The following CNTNAP5 variants were observed in gnomAD, a reference collection of about 807,000 sequenced individuals.
The protein encoded by CNTNAP5 is contactin associated protein family member 5.
In CNTNAP5, 72 loss-of-function variants were observed where a neutral mutation model predicts 150.2. The observed-to-expected ratio is 0.48, with a 90% CI of 0.40 to 0.58. The LOEUF is 0.58. Ranked by LOEUF, CNTNAP5 falls within the 20% of genes least tolerant of loss-of-function variation. The pLI, the probability that CNTNAP5 is intolerant of heterozygous loss-of-function variation, is 0.00. For missense variants in CNTNAP5, 1,636 were observed against 1,626.2 expected (o/e 1.01, Z -0.10); for synonymous variants, 672 against 619.8 (o/e 1.08, Z -1.25).
chr2:124,713,274 TTTC>T (rs1427545577), intron 13 of CNTNAP5, among the ~76,000 whole-genome samples: 11 of 127,880 alleles, frequency 8.6e-5, no homozygotes, highest in African/African-American at 2.7e-4. Context: ...TCTTTCTTTC[TTTC>T]TTTCTTTCTT....
chr2:124,183,506 C>T (rs1685256736), intron 1 of CNTNAP5, among the ~76,000 whole-genome samples: 1 of 152,146 alleles, frequency 6.6e-6, no homozygotes, highest in African/African-American at 2.4e-5. Context: ...TGTTATTGTG[C>T]TTGTATTATA....
At chr2:124,188,046 T>C (rs1041739475) in intron 1 of CNTNAP5, among the ~76,000 whole-genome samples, 6 of 152,258 alleles carry the variant, frequency 3.9e-5, no homozygotes, top group African/African-American at 1.4e-4. Flanking sequence ...CAAAGTGTGC[T>C]TATTTCACTA....
At chr2:124,605,966 T>C (rs1697098408) in intron 11 of CNTNAP5, among the ~76,000 whole-genome samples, 1 of 152,080 alleles carries the variant, frequency 6.6e-6, no homozygotes, top group Non-Finnish European at 1.5e-5. Flanking sequence ...CTTTGTCCCC[T>C]CCCACATTTT....
intron 3 of CNTNAP5, among the ~76,000 whole-genome samples, chr2:124,358,717 T>C (rs1290036189): frequency 1.3e-5 from 2 of 152,240 alleles, no homozygotes; most frequent in African/African-American, 4.8e-5. Flanking sequence ...AGTATTTTAT[T>C]GAGGATTTTT....
intron 1 of CNTNAP5, among the ~76,000 whole-genome samples, chr2:124,197,686 T>C (rs1685621379): frequency 6.6e-6 from 1 of 152,108 alleles, no homozygotes. Context: ...CAATTCATAT[T>C]TTACAAACAA....
At chr2:124,086,380 T>C (rs1242041458) in intron 1 of CNTNAP5, among the ~76,000 whole-genome samples, 1 of 151,326 alleles carries the variant, frequency 6.6e-6, no homozygotes. Context: ...ATTTCTTGTA[T>C]TTTTAGTAGA....
chr2:124,154,786 A>C (rs767648526), intron 1 of CNTNAP5, among the ~76,000 whole-genome samples: 2 of 152,154 alleles, frequency 1.3e-5, no homozygotes, highest in Non-Finnish European at 2.9e-5. Context: ...CCTCAAGCCC[A>C]GGGGTTCTTC....
chr2:124,139,941 A>G (rs895424413), intron 1 of CNTNAP5, among the ~76,000 whole-genome samples: 6 of 152,162 alleles, frequency 3.9e-5, no homozygotes, highest in Non-Finnish European at 7.4e-5. Flanking sequence ...CGCACCGTGC[A>G]CGAGCCGAAG....
At chr2:124,320,481 A>G (rs1689072636) in intron 3 of CNTNAP5, among the ~76,000 whole-genome samples, 1 of 152,268 alleles carries the variant, frequency 6.6e-6, no homozygotes, top group East Asian at 1.9e-4. Flanking sequence ...CAAGTCCCGC[A>G]TTTACTGCCC....
chr2:124,505,886 C>T (rs750215713), intron 8 of CNTNAP5, among the ~76,000 whole-genome samples: 13 of 152,172 alleles, frequency 8.5e-5, no homozygotes, highest in Non-Finnish European at 1.5e-4. Context: ...GAATAAAAAC[C>T]TCCCTCTGCT....
intron 9 of CNTNAP5, among the ~76,000 whole-genome samples, chr2:124,526,794 A>G (rs1558940275): frequency 6.6e-6 from 1 of 152,170 alleles, no homozygotes; most frequent in Non-Finnish European, 1.5e-5. Flanking sequence ...TACCTTTCTC[A>G]GGAACTAAGC....
At chr2:124,710,800 C>G (rs1679790642) in intron 13 of CNTNAP5, among the ~76,000 whole-genome samples, 1 of 152,138 alleles carries the variant, frequency 6.6e-6, no homozygotes, top group South Asian at 2.1e-4. Flanking sequence ...AATCGTTATC[C>G]AGCCTGACTT....
At chr2:124,655,937 GAGAGAGAGAGAAAGAAAGAA>G (rs1245471286) in intron 13 of CNTNAP5, among the ~76,000 whole-genome samples, 89 of 52,392 alleles carry the variant, frequency 1.7e-3, no homozygotes, top group African/African-American at 6.4e-3. Context: ...GAGAGAGAGA[GAGAGAGAGAGAAAGAAAGAA>G]AGAAAGAAAG....
intron 3 of CNTNAP5, among the ~76,000 whole-genome samples, chr2:124,376,054 G>A (rs148706435): frequency 6.6e-6 from 1 of 152,066 alleles, no homozygotes; most frequent in African/African-American, 2.4e-5. Context: ...CTGAAACTGG[G>A]GAGAAGAAAT....
chr2:124,475,012 C>T (rs901660009), intron 7 of CNTNAP5, 130 bp downstream of exon 7: 29 of 669,692 alleles, frequency 4.3e-5, no homozygotes, highest in African/African-American at 1.4e-4. Flanking sequence ...CAGCGTCTGA[C>T]GTGACACTGG....
intron 3 of CNTNAP5, among the ~76,000 whole-genome samples, chr2:124,333,110 A>T (rs1377309663): frequency 6.6e-6 from 1 of 152,106 alleles, no homozygotes; most frequent in Non-Finnish European, 1.5e-5. Flanking sequence ...CTAGTTTAAA[A>T]GGATAATTGG....
At chr2:124,242,965 C>A (rs1286648900) in intron 3 of CNTNAP5, among the ~76,000 whole-genome samples, 6 of 152,178 alleles carry the variant, frequency 3.9e-5, no homozygotes, top group Non-Finnish European at 1.5e-5. Context: ...ATTATTCTGT[C>A]ATTGGAAACA....
chr2:124,890,777 A>G (rs1678177706), intron 21 of CNTNAP5, among the ~76,000 whole-genome samples: 2 of 152,142 alleles, frequency 1.3e-5, no homozygotes, highest in Non-Finnish European at 2.9e-5. Flanking sequence ...AGTAATAAAA[A>G]GAGCTGAATC....
intron 13 of CNTNAP5, among the ~76,000 whole-genome samples, chr2:124,674,825 T>A (rs971644187): frequency 6.6e-6 from 1 of 152,064 alleles, no homozygotes; most frequent in Admixed American, 6.6e-5. Context: ...AATTTAAATT[T>A]AAGAATTTTG....
Sources: gnomAD v4.1 joint callset for allele counts (sites outside exome capture counted in the v4.1 genomes callset) on GRCh38, gnomAD v4.1.1 for gene constraint, MANE v1.5 for transcripts, NCBI Gene and HGNC (gene_info 2026-07-23, HGNC 2026-07-21) for gene names.